Variants in OR2L3 observed in about 807,000 individuals in gnomAD.
OR2L3 encodes olfactory receptor 2L3.
For missense variants in OR2L3, 369 were observed against 376.6 expected (o/e 0.98, Z 0.17); for synonymous variants, 131 against 139.1 (o/e 0.94, Z 0.41).
At chr1:248,051,696 C>T (rs1248285805) in intron 1 of OR2L3, among the ~76,000 whole-genome samples, 2 of 152,040 alleles carry the variant, frequency 1.3e-5, no homozygotes, top group Non-Finnish European at 2.9e-5. Flanking sequence ...GCAACATATC[C>T]ATGTAACAAA....
chr1:248,063,144 G>A lies in OR2L3; in HGVS notation c.*1524G>A, dbSNP rs1357519038. ...ACTATTTATGTGCAGAATGTCATTG[G>A]TATTTTGATAGACATTGCATTGAAT... On this transcript the variant is annotated 3_prime_UTR_variant, in exon 2 of 2. Transcript: ENST00000359959. The A allele has an allele frequency of 6.6e-6, 1 of 152,098 alleles. No individual in the cohort carries two copies. The highest frequency in any genetic ancestry group is 2.4e-5 in the African/African-American group (1 of 41,426). 9.4% of individuals were successfully genotyped at this position (152,098 alleles called of 1,614,324 possible).
chr1:248,057,090 G>A (rs1385361926), intron 1 of OR2L3, among the ~76,000 whole-genome samples: 1 of 152,064 alleles, frequency 6.6e-6, no homozygotes, highest in African/African-American at 2.4e-5. Context: ...GTGCCATAAG[G>A]TGCCAAGACA....
chr1:248,050,105 G>A (rs539881131), intron 1 of OR2L3, among the ~76,000 whole-genome samples: 17 of 152,254 alleles, frequency 1.1e-4, no homozygotes, highest in Non-Finnish European at 2.4e-4. Context: ...GTCTGTGAAA[G>A]TTCACGCCTC....
intron 1 of OR2L3, among the ~76,000 whole-genome samples, chr1:248,048,371 C>G (rs1436596170): frequency 6.6e-6 from 1 of 152,136 alleles, no homozygotes; most frequent in Non-Finnish European, 1.5e-5. Flanking sequence ...CTAAGTCAGT[C>G]AAATACAACA....
At chr1:248,048,716 T>A (rs1367901520) in intron 1 of OR2L3, among the ~76,000 whole-genome samples, 1 of 152,096 alleles carries the variant, frequency 6.6e-6, no homozygotes, top group Non-Finnish European at 1.5e-5. Flanking sequence ...CGGAGATCAG[T>A]TTCTGGAAGT....
At chr1:248,052,520 A>G (rs1663293335) in intron 1 of OR2L3, among the ~76,000 whole-genome samples, 1 of 152,130 alleles carries the variant, frequency 6.6e-6, no homozygotes, top group African/African-American at 2.4e-5. Flanking sequence ...CAAGGTAAGG[A>G]GGTTGAGGCC....
At chr1:248,055,037 C>A (rs1329500794) in intron 1 of OR2L3, among the ~76,000 whole-genome samples, 1 of 152,140 alleles carries the variant, frequency 6.6e-6, no homozygotes, top group Non-Finnish European at 1.5e-5. Flanking sequence ...GGGAATGCTT[C>A]CAGTTTTTGC....
chr1:248,058,938 T>G (rs1395021215), intron 1 of OR2L3, among the ~76,000 whole-genome samples: 1 of 152,102 alleles, frequency 6.6e-6, no homozygotes, highest in East Asian at 1.9e-4. Flanking sequence ...ACTTAATATT[T>G]TTTATCAATT....
At position 248,061,346 on chromosome 1, in the gene OR2L3, T is replaced by G. The variant is rs1558204207; in HGVS notation, c.665T>G (p.Leu222Arg). The change falls in exon 2 of 2, where the codon CTT becomes CGT. Residue 222 changes from leucine (L) to arginine (R), a missense_variant. Coordinates refer to ENST00000359959, the MANE Select transcript of OR2L3 (RefSeq NM_001004687.2). ...TCATGTTCCTATGGCCGGGTTCTCCTTGCTGTCTACCACATGAAATCTGCA... is the reference window on the plus strand; with the variant it reads ...TCATGTTCCTATGGCCGGGTTCTCCGTGCTGTCTACCACATGAAATCTGCA... ...AISCSYGRVL[L>R]AVYHMKSAEG... 3.1e-6 allele frequency: 5 copies of G among 1,613,960 alleles called. No homozygotes were observed. The highest frequency in any genetic ancestry group is 3.4e-6 in the Non-Finnish European group (4 of 1,180,014).
chr1:248,052,283 A>T (rs1663285278), intron 1 of OR2L3, among the ~76,000 whole-genome samples: 1 of 152,222 alleles, frequency 6.6e-6, no homozygotes, highest in Non-Finnish European at 1.5e-5. Flanking sequence ...AGATTGTTCC[A>T]TCTCCACTGA....
intron 1 of OR2L3, among the ~76,000 whole-genome samples, chr1:248,052,531 A>G (rs376909740): frequency 4.6e-5 from 7 of 152,276 alleles, no homozygotes; most frequent in African/African-American, 1.7e-4. Context: ...GGTTGAGGCC[A>G]TGCTGGCTAA....
chr1:248,051,373 T>C (rs1342704950), intron 1 of OR2L3: 3 of 152,366 alleles, frequency 2.0e-5, no homozygotes, highest in Middle Eastern at 3.4e-3. Context: ...ATACATACTA[T>C]ATTTATATTG....
chr1:248,060,931 T>A lies in OR2L3; in HGVS notation c.250T>A (p.Phe84Ile), dbSNP rs1273031147. ...STIVPKMASD[F>I]LSGNKSISFT... is the part of the protein sequence containing the mutation. ...CATTGTTCCTAAGATGGCATCTGATTTTCTGTCTGGTAACAAGTCTATCTC... is the reference window on the plus strand; with the variant it reads ...CATTGTTCCTAAGATGGCATCTGATATTCTGTCTGGTAACAAGTCTATCTC... Residue 84 changes from phenylalanine (F) to isoleucine (I), a missense_variant, in exon 2 of 2, where the codon TTT (phenylalanine) becomes ATT (isoleucine). Phe to Ile is a conservative substitution (Grantham distance 21). Coordinates refer to ENST00000359959, the MANE Select transcript of OR2L3 (RefSeq NM_001004687.2). The A allele has an allele frequency of 5.0e-6, 8 of 1,613,818 alleles. No individual in the cohort carries two copies. The highest frequency in any genetic ancestry group is 6.8e-6 in the Non-Finnish European group (8 of 1,179,882).
At chr1:248,053,665 T>C (rs994189588) in intron 1 of OR2L3, among the ~76,000 whole-genome samples, 2 of 152,242 alleles carry the variant, frequency 1.3e-5, no homozygotes, top group African/African-American at 4.8e-5. Flanking sequence ...CGGCAGCAGA[T>C]GGTATCTAAT....
At chr1:248,060,566 C>A in intron 1 of OR2L3, 95 bp from the exon 2 acceptor site, 1 of 784,350 alleles carries the variant, frequency 1.3e-6, no homozygotes, top group Non-Finnish European at 2.2e-6. Flanking sequence ...TCAGTGTCAA[C>A]TCCAGTCTCA....
chr1:248,060,559 G>A (rs1663589552), intron 1 of OR2L3, 102 bp from the exon 2 acceptor site: 1 of 745,556 alleles, frequency 1.3e-6, no homozygotes, highest in Non-Finnish European at 2.3e-6. Context: ...ATAGGGCTCA[G>A]TGTCAACTCC....
At chr1:248,054,020 A>T (rs954484359) in intron 1 of OR2L3, among the ~76,000 whole-genome samples, 1 of 152,046 alleles carries the variant, frequency 6.6e-6, no homozygotes, top group Non-Finnish European at 1.5e-5. Flanking sequence ...TCTTTGTCAT[A>T]AAATCCTTTC....
chr1:248,048,497 C>A (rs1210365496), intron 1 of OR2L3, among the ~76,000 whole-genome samples: 12 of 152,086 alleles, frequency 7.9e-5, no homozygotes, highest in Admixed American at 7.9e-4. Flanking sequence ...GTCTATACTC[C>A]AGAAGACACT....
At chr1:248,056,808 C>G (rs965365240) in intron 1 of OR2L3, among the ~76,000 whole-genome samples, 3 of 151,806 alleles carry the variant, frequency 2.0e-5, no homozygotes, top group East Asian at 1.9e-4. Flanking sequence ...CCACCATACT[C>G]GGCTAAATTT....
Sources: gnomAD v4.1 joint callset for allele counts (sites outside exome capture counted in the v4.1 genomes callset) on GRCh38, gnomAD v4.1.1 for gene constraint, MANE v1.5 for transcripts, NCBI Gene and HGNC (gene_info 2026-07-23, HGNC 2026-07-21) for gene names.